PCDHGA5: variants seen among roughly 807,000 people sequenced by gnomAD.
The protein encoded by PCDHGA5 is protocadherin gamma-A5.
A neutral mutation model predicts 56.7 loss-of-function variants in PCDHGA5; 36 were observed. That is an observed-to-expected ratio of 0.64 (90% CI 0.49 to 0.84). The LOEUF (loss-of-function observed/expected upper bound fraction) is 0.84. Ranked by LOEUF, PCDHGA5 falls within the 40% of genes least tolerant of loss-of-function variation. PCDHGA5 has a pLI of 0.00. For synonymous variants in PCDHGA5, 563 were observed against 520.2 expected (o/e 1.08, Z -1.12); for missense variants, 1,305 against 1,201.5 (o/e 1.09, Z -1.27).
Position 141,430,658 on chromosome 5 carries a change from G to A in PCDHGA5, c.2421+63907G>A, listed in dbSNP as rs1350572230. ...CCTGGGAGTATGTGGAAACAACGGA[G>A]GAGCTCTGACTTCCCAACTGTCCCA... On this transcript the variant is annotated intron_variant, in intron 1 of 3. Coordinates refer to ENST00000518069, the MANE Select transcript of PCDHGA5 (RefSeq NM_018918.3). The A allele has an allele frequency of 7.2e-6, 8 of 1,105,688 alleles. No individual in the cohort carries two copies. The African/African-American group carries it at 9.5e-5, about 13-fold the overall frequency. The allele number at this position is 1,105,688 out of a possible 1,614,324, so 68.5% of individuals were successfully genotyped here. A position where few individuals can be genotyped will look rare whatever the true frequency, so the allele number is the denominator to read the frequency against.
chr5:141,449,592 A>C (rs1344646010), intron 1 of PCDHGA5, among the ~76,000 whole-genome samples: 1 of 150,266 alleles, frequency 6.7e-6, no homozygotes, highest in African/African-American at 2.4e-5. Context: ...CTGTCTCAAA[A>C]AAAAAAAAAA....
chr5:141,387,321 T>G (rs2090906935), intron 1 of PCDHGA5, among the ~76,000 whole-genome samples: 1 of 152,226 alleles, frequency 6.6e-6, no homozygotes, highest in African/African-American at 2.4e-5. Context: ...TGAGTAAGTA[T>G]GGAAAATTAC....
Position 141,490,198 on chromosome 5 carries a change from G to A in PCDHGA5, c.2422-4609G>A. ...GGAGTCACGTTTCTATGAAATTCAT[G>A]CAAGAGCCCGTGACCAGGGACAGCC... On this transcript the variant is annotated intron_variant, in intron 1 of 3. Coordinates refer to ENST00000518069, the MANE Select transcript of PCDHGA5 (RefSeq NM_018918.3). The surrounding 1 kb of genome is among the most constrained non-coding windows in gnomAD (Gnocchi z 5.4). The A allele has an allele frequency of 6.2e-7, 1 of 1,614,208 alleles. No homozygotes were observed. Among genetic ancestry groups the A allele is most frequent in the Non-Finnish European group, 8.5e-7 (1 of 1,180,038 alleles).
In PCDHGA5 at chr5:141,477,669, T is replaced by C; in HGVS notation, c.2422-17138T>C. Reference sequence around the variant, plus strand: ...TTCACAATAAATCGTGACAATGGCATAGTGTCATCCTTAGTGCCCCTAGAC... The same window carrying C: ...TTCACAATAAATCGTGACAATGGCACAGTGTCATCCTTAGTGCCCCTAGAC... On this transcript the variant is annotated intron_variant, in intron 1 of 3. Coordinates refer to ENST00000518069, the MANE Select transcript of PCDHGA5 (RefSeq NM_018918.3). This position sits in a 1 kb window ranked among gnomAD's most constrained non-coding sequence, Gnocchi z 4.9. 6.2e-7 allele frequency: 1 copy of C among 1,614,200 alleles called. No individual in the cohort carries two copies. Among genetic ancestry groups the C allele is most frequent in the Non-Finnish European group, 8.5e-7 (1 of 1,180,030 alleles).
chr5:141,475,885 A>T, intron 1 of PCDHGA5: 1 of 556,524 alleles, frequency 1.8e-6, no homozygotes, highest in Non-Finnish European at 3.2e-6. Flanking sequence ...ATTGGCTGGG[A>T]CTCTGTGTGC....
intron 1 of PCDHGA5, chr5:141,375,646 C>G (rs765389165): frequency 1.2e-6 from 2 of 1,614,228 alleles, no homozygotes; most frequent in Non-Finnish European, 1.7e-6. Flanking sequence ...GCTCCTTCGA[C>G]TATGAGCAGT....
chr5:141,489,066 C>G lies in PCDHGA5; in HGVS notation c.2422-5741C>G. The stretch of plus-strand genomic sequence containing the variant: ...CACTCAAATTCAGCTCCCCTCCCCC[C>G]TGCCCACCCCCGCCACTCGGTGACT... On this transcript the variant is annotated intron_variant, in intron 1 of 3. Transcript: ENST00000518069. This position sits in a 1 kb window ranked among gnomAD's most constrained non-coding sequence, Gnocchi z 4.5. 1 of 391,132 alleles carries G rather than the reference C, an allele frequency of 2.6e-6. No individual in the cohort carries two copies. Among genetic ancestry groups the G allele is most frequent in the South Asian group, 4.2e-5 (1 of 24,028 alleles). 24.2% of individuals were successfully genotyped at this position (391,132 alleles called of 1,614,324 possible).
intron 1 of PCDHGA5, chr5:141,374,164 G>A: frequency 6.2e-7 from 1 of 1,612,952 alleles, no homozygotes; most frequent in East Asian, 2.2e-5. Context: ...GGGGGGCCGC[G>A]GCAGCGCAGA....
Position 141,417,943 on chromosome 5 carries a change from G to C in PCDHGA5, c.2421+51192G>C, listed in dbSNP as rs772925118. ...TGCTGCTGCCTTTGTTCTACCCCAC[G>C]CTGTGTGAGCCGATCCGCTACTCGA... is the stretch of plus-strand genomic sequence containing the variant. On this transcript the variant is annotated intron_variant, in intron 1 of 3. Coordinates refer to ENST00000518069, the MANE Select transcript of PCDHGA5 (RefSeq NM_018918.3). The C allele has an allele frequency of 4.1e-5, 66 of 1,613,160 alleles. 1 individual carries two copies. The highest frequency in any genetic ancestry group is 1.8e-4 in the East Asian group (8 of 44,850).
chr5:141,472,564 A>G (rs1471933375), intron 1 of PCDHGA5, among the ~76,000 whole-genome samples: 6 of 152,050 alleles, frequency 3.9e-5, no homozygotes, highest in Admixed American at 2.6e-4. Context: ...TATATTATAA[A>G]TGCTGCATCT....
intron 1 of PCDHGA5, chr5:141,395,381 A>T (rs562557513): frequency 2.7e-6 from 3 of 1,094,770 alleles, no homozygotes; most frequent in Non-Finnish European, 3.8e-6. Flanking sequence ...TGGTGTTACT[A>T]TAAAATTGAA....
chr5:141,372,827 T>C (rs1457588912), intron 1 of PCDHGA5: 7 of 1,550,888 alleles, frequency 4.5e-6, no homozygotes, highest in Non-Finnish European at 6.1e-6. Flanking sequence ...TCTTCAAACC[T>C]TTCCTTCCAT....
intron 1 of PCDHGA5, chr5:141,385,778 T>C (rs2150299874): frequency 6.2e-6 from 1 of 161,798 alleles, no homozygotes; most frequent in East Asian, 1.9e-4. Context: ...TGCCTCCATG[T>C]ACCTCAGCTT....
At chr5:141,418,328 G>C in intron 1 of PCDHGA5, 1 of 1,614,002 alleles carries the variant, frequency 6.2e-7, no homozygotes. Flanking sequence ...TCTTGAGTCT[G>C]CAGAAGATCC....
chr5:141,423,574 C>T (rs953989787), intron 1 of PCDHGA5: 2 of 1,613,328 alleles, frequency 1.2e-6, no homozygotes, highest in Non-Finnish European at 1.7e-6. Flanking sequence ...GCTCATCAGC[C>T]AGGAGAGCTG....
At chr5:141,445,900 T>C (rs2098480876) in intron 1 of PCDHGA5, among the ~76,000 whole-genome samples, 1 of 152,224 alleles carries the variant, frequency 6.6e-6, no homozygotes, top group African/African-American at 2.4e-5. Flanking sequence ...TATTAAAATA[T>C]TTTAAACAAG....
intron 1 of PCDHGA5, chr5:141,374,413 C>A (rs773364230): frequency 3.1e-6 from 5 of 1,613,972 alleles, no homozygotes; most frequent in Non-Finnish European, 3.4e-6. Flanking sequence ...ACATCCTTGT[C>A]GAGGATAAAC....
At chr5:141,462,539 T>G (rs2099042077) in intron 1 of PCDHGA5, among the ~76,000 whole-genome samples, 1 of 152,184 alleles carries the variant, frequency 6.6e-6, no homozygotes, top group African/African-American at 2.4e-5. Flanking sequence ...TTCAGTGATC[T>G]TTTCTTCTTC....
In PCDHGA5 at chr5:141,490,275, C is replaced by A; in HGVS notation, c.2422-4532C>A. 6.2e-7 allele frequency: 1 copy of A among 1,614,238 alleles called. No individual in the cohort carries two copies. The highest frequency in any genetic ancestry group is 8.5e-7 in the Non-Finnish European group (1 of 1,180,044). On this transcript the variant is annotated intron_variant, in intron 1 of 3. Transcript: ENST00000518069. The surrounding 1 kb of genome is among the most constrained non-coding windows in gnomAD (Gnocchi z 5.4). Reference sequence around the variant, plus strand: ...AAGTGGATGTGGGGGATGTCAATGACAATGCCCCAGAGGTGCTATTGGCCT... The same window carrying A: ...AAGTGGATGTGGGGGATGTCAATGAAAATGCCCCAGAGGTGCTATTGGCCT...
Sources: allele counts gnomAD v4.1 joint callset (sites outside exome capture counted in the v4.1 genomes callset), GRCh38; gene constraint gnomAD v4.1.1; non-coding constraint Gnocchi (gnomAD v3.1); transcripts MANE v1.5; gene names NCBI Gene and HGNC (gene_info 2026-07-23, HGNC 2026-07-21).